Variants in HPSE2 observed in about 807,000 individuals in gnomAD.
HPSE2 encodes the protein heparanase 2 (inactive).
A neutral mutation model predicts 60.5 loss-of-function variants in HPSE2; 38 were observed. The ratio of observed to expected loss-of-function variants is 0.63; its 90% CI spans 0.48 to 0.82. The LOEUF (loss-of-function observed/expected upper bound fraction) is 0.82, where lower values mean the gene tolerates loss of function less well. Ranked by LOEUF, HPSE2 falls within the 40% of genes least tolerant of loss-of-function variation. HPSE2 has a pLI of 0.00. For synonymous variants in HPSE2, 295 were observed against 293.2 expected (o/e 1.01, Z -0.06); for missense variants, 713 against 740.4 (o/e 0.96, Z 0.43).
At chr10:99,208,474 C>G (rs1477839563) in intron 2 of HPSE2, among the ~76,000 whole-genome samples, 2 of 151,984 alleles carry the variant, frequency 1.3e-5, no homozygotes, top group Non-Finnish European at 2.9e-5. Flanking sequence ...TTCTTGAGCC[C>G]AGGAATTCAA....
intron 3 of HPSE2, among the ~76,000 whole-genome samples, chr10:98,942,186 T>C (rs1589403241): frequency 7.2e-6 from 1 of 138,576 alleles, no homozygotes; most frequent in South Asian, 2.2e-4. Context: ...ACTTCATGTC[T>C]AAAACACCAA....
intron 3 of HPSE2, among the ~76,000 whole-genome samples, chr10:99,041,684 G>A (rs1421926854): frequency 3.3e-5 from 5 of 152,150 alleles, no homozygotes; most frequent in African/African-American, 1.2e-4. Context: ...TGCACGGATT[G>A]CAGGCCTCAC....
chr10:98,517,464 T>C (rs1330639393), intron 9 of HPSE2, among the ~76,000 whole-genome samples: 2 of 152,202 alleles, frequency 1.3e-5, no homozygotes, highest in Non-Finnish European at 2.9e-5. Context: ...GAGTACCTCG[T>C]AAATACACAC....
At chr10:98,699,757 C>A (rs1395122163) in intron 5 of HPSE2, among the ~76,000 whole-genome samples, 3 of 126,836 alleles carry the variant, frequency 2.4e-5, no homozygotes, top group South Asian at 3.6e-4. Context: ...TGTCTCAGCC[C>A]AAAATCTCCT....
At chr10:98,493,052 A>G (rs1481201665) in intron 9 of HPSE2, among the ~76,000 whole-genome samples, 1 of 152,218 alleles carries the variant, frequency 6.6e-6, no homozygotes, top group African/African-American at 2.4e-5. Flanking sequence ...AGTATCTCAT[A>G]TAAATGAACT....
chr10:98,827,168 T>A (rs1024028522), intron 3 of HPSE2, among the ~76,000 whole-genome samples: 13 of 151,828 alleles, frequency 8.6e-5, no homozygotes, highest in East Asian at 5.9e-4. Flanking sequence ...AAATTTTTTT[T>A]TAAAAAACCA....
intron 3 of HPSE2, among the ~76,000 whole-genome samples, chr10:98,765,322 C>A (rs1379197499): frequency 1.3e-5 from 2 of 152,088 alleles, no homozygotes; most frequent in African/African-American, 4.8e-5. Flanking sequence ...ACCATAATGG[C>A]ATTAACCCAG....
At chr10:98,630,050 T>A (rs11189719) in intron 7 of HPSE2, among the ~76,000 whole-genome samples, 13,204 of 152,142 alleles carry the variant, frequency 0.087, 1,365 homozygotes, top group African/African-American at 0.24. Flanking sequence ...GCTAACTGCT[T>A]TATTTAACTT....
chr10:99,171,156 G>C (rs1307161640), intron 2 of HPSE2, among the ~76,000 whole-genome samples: 1 of 152,118 alleles, frequency 6.6e-6, no homozygotes, highest in Non-Finnish European at 1.5e-5. Context: ...CTTGAAGAAA[G>C]TATTCATTCT....
intron 3 of HPSE2, among the ~76,000 whole-genome samples, chr10:99,006,043 A>G (rs1483725917): frequency 6.6e-6 from 1 of 152,146 alleles, no homozygotes; most frequent in Non-Finnish European, 1.5e-5. Context: ...CCTAGGTCAC[A>G]GAGGGTAGGC....
intron 3 of HPSE2, among the ~76,000 whole-genome samples, chr10:99,111,545 G>T (rs893729776): frequency 2.0e-5 from 3 of 152,124 alleles, no homozygotes; most frequent in Non-Finnish European, 4.4e-5. Flanking sequence ...GAAAGACTGC[G>T]TTCCTTTCAA....
rs4919262 is a variant in HPSE2 at position 98,888,651 on chromosome 10, G to A, written c.611-144595C>T. Among the ~76,000 whole-genome samples, 1,513 of 152,176 alleles carry A rather than the reference G, an allele frequency of 9.9e-3. 69 individuals are homozygous for A. Among genetic ancestry groups the A allele is most frequent in the East Asian group, 0.074 (384 of 5,156 alleles). On this transcript the variant is annotated intron_variant, in intron 3 of 11. Transcript: ENST00000370552. ...GGTACATGTTAAGTGCTCAATTACC[G>A]TCTCCTTTCTCCCCAAACTGGCTGG...
chr10:98,791,754 A>C (rs1469667016), intron 3 of HPSE2, among the ~76,000 whole-genome samples: 1 of 152,170 alleles, frequency 6.6e-6, no homozygotes, highest in African/African-American at 2.4e-5. Context: ...ATGTTTGAAT[A>C]AAGGTCTATA....
At chr10:98,685,958 C>A (rs1947905314) in intron 6 of HPSE2, among the ~76,000 whole-genome samples, 1 of 151,982 alleles carries the variant, frequency 6.6e-6, no homozygotes, top group Admixed American at 6.6e-5. Context: ...CATAGTAATC[C>A]CTTGAGTATT....
intron 3 of HPSE2, among the ~76,000 whole-genome samples, chr10:98,998,791 C>T (rs1013741587): frequency 6.6e-6 from 1 of 152,208 alleles, no homozygotes; most frequent in Non-Finnish European, 1.5e-5. Flanking sequence ...AATAAAAGGT[C>T]TACCCATGCA....
At chr10:99,268,993 T>TA in the HPSE2 span, among the ~76,000 whole-genome samples, 2 of 151,180 alleles carry the variant, frequency 1.3e-5, no homozygotes, top group East Asian at 2.0e-4. Context: ...CCATCTCAAC[T>TA]AAAAAAAATA....
intron 6 of HPSE2, among the ~76,000 whole-genome samples, chr10:98,653,799 C>T (rs1207115249): frequency 6.6e-6 from 1 of 152,070 alleles, no homozygotes; most frequent in African/African-American, 2.4e-5. Context: ...TTCCCTGACA[C>T]TCTTCCTTTC....
At chr10:99,187,012 G>A (rs1455574914) in intron 2 of HPSE2, among the ~76,000 whole-genome samples, 3 of 151,880 alleles carry the variant, frequency 2.0e-5, no homozygotes, top group Non-Finnish European at 1.5e-5. Context: ...TCGAACTCCT[G>A]GACTCAAGCA....
chr10:98,692,908 A>G (rs1460461398), intron 6 of HPSE2, among the ~76,000 whole-genome samples: 2 of 152,244 alleles, frequency 1.3e-5, no homozygotes, highest in East Asian at 3.8e-4. Context: ...CCAGCAAACA[A>G]AAACACTTTA....
Sources: allele counts gnomAD v4.1 joint callset (sites outside exome capture counted in the v4.1 genomes callset), GRCh38; gene constraint gnomAD v4.1.1; transcripts MANE v1.5; gene names NCBI Gene and HGNC (gene_info 2026-07-23, HGNC 2026-07-21).